SCN11A: variants seen among roughly 807,000 people sequenced by gnomAD.
SCN11A encodes sodium voltage-gated channel alpha subunit 11.
A neutral mutation model predicts 162.2 loss-of-function variants in SCN11A; 122 were observed. The ratio of observed to expected loss-of-function variants is 0.75; its 90% CI spans 0.65 to 0.87. SCN11A has a LOEUF of 0.87. SCN11A is among the 40% of genes least tolerant of loss of function. SCN11A has a pLI of 0.00. For synonymous variants in SCN11A, 758 were observed against 751.5 expected, an observed-to-expected ratio of 1.01 and a Z score of -0.14; for missense variants, 2,015 against 2,181.6, an observed-to-expected ratio of 0.92 and a Z score of 1.52.
chr3:38,858,207 C>T (rs557073724), intron 28 of SCN11A, among the ~76,000 whole-genome samples: 2 of 152,162 alleles, frequency 1.3e-5, no homozygotes, highest in Admixed American at 6.5e-5. Context: ...ATGGCCTAAA[C>T]GCTCCATTTA....
intron 7 of SCN11A, among the ~76,000 whole-genome samples, chr3:38,927,185 G>A (rs1253317612): frequency 6.6e-6 from 1 of 152,130 alleles, no homozygotes; most frequent in Non-Finnish European, 1.5e-5. Flanking sequence ...ATATTCTTGA[G>A]AATAGTTTCA....
intron 2 of SCN11A, among the ~76,000 whole-genome samples, chr3:39,020,432 G>A (rs994879761): frequency 1.3e-4 from 19 of 151,140 alleles, no homozygotes; most frequent in African/African-American, 4.7e-4. Context: ...TCAAGAACCT[G>A]TACATTTCTC....
rs766814728 is a variant in SCN11A at position 38,950,081 on chromosome 3, C to T, written c.267+15G>A. The stretch of plus-strand genomic sequence containing the variant: ...CACCCCCACCCCCACCCCCCCCCCC[C>T]GCCCAATGAAGTACCTTATGATTTC... On this transcript the variant is annotated intron_variant, in intron 5 of 29. Transcript: ENST00000302328. 5.6e-5 allele frequency: 12 copies of T among 214,548 alleles called. No homozygotes were observed. The highest frequency in any genetic ancestry group is 1.1e-4 in the Non-Finnish European group (11 of 99,686). The allele number at this position is 214,548 out of a possible 1,614,324, so 13.3% of individuals were successfully genotyped here. A position where few individuals can be genotyped will look rare whatever the true frequency, so the allele number is the denominator to read the frequency against.
At chr3:38,856,579 A>C (rs2064872950) in intron 28 of SCN11A, among the ~76,000 whole-genome samples, 1 of 152,166 alleles carries the variant, frequency 6.6e-6, no homozygotes, top group Non-Finnish European at 1.5e-5. Flanking sequence ...AGCCACCTTC[A>C]TCAAGGCTGG....
chr3:39,013,514 G>A (rs546628392), intron 2 of SCN11A, among the ~76,000 whole-genome samples: 1 of 151,974 alleles, frequency 6.6e-6, no homozygotes, highest in East Asian at 1.9e-4. Flanking sequence ...GTAAGATCTT[G>A]GAAAATGCAG....
intron 4 of SCN11A, among the ~76,000 whole-genome samples, chr3:38,951,775 T>A (rs916893417): frequency 1.3e-5 from 2 of 152,176 alleles, no homozygotes; most frequent in African/African-American, 4.8e-5. Context: ...GTCTATACTC[T>A]GTATCTAACT....
intron 16 of SCN11A, among the ~76,000 whole-genome samples, chr3:38,900,764 C>A (rs1411090983): frequency 2.6e-5 from 4 of 151,594 alleles, no homozygotes; most frequent in African/African-American, 9.7e-5. Context: ...ATTTCCAGAA[C>A]AAAATATCAA....
rs1333364240 is a variant in SCN11A at position 38,894,666 on chromosome 3, G to T, written c.2702C>A (p.Thr901Asn). The T allele has an allele frequency of 9.3e-6, 15 of 1,613,980 alleles. No individual in the cohort carries two copies. The highest frequency in any genetic ancestry group is 1.3e-5 in the Non-Finnish European group (15 of 1,179,984). The change falls in exon 19 of 30, where the codon ACC becomes AAC. Residue 901 changes from threonine to asparagine, a missense_variant. By Grantham distance (65) the Thr-to-Asn change is moderately conservative (BLOSUM62 0). Transcript: ENST00000302328. ...GACGCCCAGGGTCTTTGGTACAGAG[G>T]TTAGTATACCAAGCTCCTCCTGGGT... ...SETQEELGIL[T>N]SVPKTLGVRH...
Position 38,894,533 on chromosome 3 carries a change from C to T in SCN11A, c.2835G>A (p.Gln945=), listed in dbSNP as rs2065554237. ...TAAGTCTATGTGTGAACCTTCATAC[C>T]TGTTGTTCAGGCTCAGGTTGTGTGA... The part of the protein sequence containing the change: ...QRITQPEPEQ[Q]AYELHQENKK... The change falls in exon 19 of 30, where the codon CAG becomes CAA. Residue 945 remains glutamine, a splice_region_variant and synonymous_variant. Transcript: ENST00000302328. The T allele has an allele frequency of 6.3e-7, 1 of 1,596,828 alleles. No homozygotes were observed. Among genetic ancestry groups the T allele is most frequent in the African/African-American group, 1.3e-5 (1 of 74,630 alleles).
intron 11 of SCN11A, among the ~76,000 whole-genome samples, chr3:38,919,290 C>T (rs1000308462): frequency 2.6e-5 from 4 of 152,190 alleles, no homozygotes; most frequent in African/African-American, 9.7e-5. Context: ...GCTTGGCACT[C>T]TGTAGATTCT....
intron 14 of SCN11A, among the ~76,000 whole-genome samples, chr3:38,906,197 C>T (rs575124498): frequency 6.6e-6 from 1 of 152,320 alleles, no homozygotes; most frequent in South Asian, 2.1e-4. Flanking sequence ...CTACCTACTA[C>T]ATCTCCCTCT....
intron 18 of SCN11A, among the ~76,000 whole-genome samples, chr3:38,895,438 C>A (rs1372954729): frequency 6.6e-6 from 1 of 152,180 alleles, no homozygotes; most frequent in Non-Finnish European, 1.5e-5. Context: ...GTTGCCCTAA[C>A]CTTAGTAACG....
At chr3:38,924,805 G>A (rs546986140) in intron 9 of SCN11A, among the ~76,000 whole-genome samples, 5 of 151,942 alleles carry the variant, frequency 3.3e-5, no homozygotes, top group East Asian at 1.9e-4. Flanking sequence ...AACTGTACCC[G>A]GCCCCCCCTT....
intron 7 of SCN11A, among the ~76,000 whole-genome samples, chr3:38,929,133 A>ACGCG (rs1367470027): frequency 8.8e-5 from 13 of 147,588 alleles, no homozygotes; most frequent in African/African-American, 2.6e-4. Flanking sequence ...GGGTCTGTGC[A>ACGCG]CGCACACACA....
At chr3:39,029,091 T>C (rs1300439525) in intron 2 of SCN11A, among the ~76,000 whole-genome samples, 1 of 152,202 alleles carries the variant, frequency 6.6e-6, no homozygotes, top group Non-Finnish European at 1.5e-5. Context: ...CTTTAATAAA[T>C]ATCCCTTTAC....
At chr3:38,929,129 GTGCACGCACA>G (rs1178753380) in intron 7 of SCN11A, among the ~76,000 whole-genome samples, 296 of 20,298 alleles carry the variant, frequency 0.015, 5 homozygotes, top group African/African-American at 0.03. Flanking sequence ...TACTGGGTCT[GTGCACGCACA>G]CACACACACA....
At position 38,907,994 on chromosome 3, in the gene SCN11A, T is replaced by A; in HGVS notation, c.1428A>T (p.Lys476Asn). 6.2e-7 allele frequency: 1 copy of A among 1,611,080 alleles called. No individual in the cohort carries two copies. Among genetic ancestry groups the A allele is most frequent in the Non-Finnish European group, 8.5e-7 (1 of 1,179,374 alleles). The part of the protein sequence containing the change: ...RKSFFLRESG[K>N]DQPPGSDSDE... ...CAGAATCTGACCCAGGAGGCTGGTC[T>A]TTCCCAGACTCTCTCAAAAAGAAGG... Residue 476 changes from lysine to asparagine, a missense_variant, in exon 14 of 30, where the codon AAA becomes AAT. Lys to Asn is a moderately conservative substitution (Grantham distance 94). Transcript: ENST00000302328.
chr3:39,034,790 T>A (rs9855543), intron 1 of SCN11A, among the ~76,000 whole-genome samples: 10,575 of 152,138 alleles, frequency 0.07, 1,176 homozygotes, highest in African/African-American at 0.23. Flanking sequence ...ACATAAAAAA[T>A]CAGTAGCATT....
chr3:38,899,886 T>G lies in SCN11A; in HGVS notation c.2022+8A>C. ...ACGTTTATGCAGTAAAATAAGAAAG[T>G]GCCTTACCACTCTGAAGGAACGCAA... On this transcript the variant is annotated splice_region_variant and intron_variant, in intron 17 of 29. Transcript: ENST00000302328. 3 of 1,610,168 alleles carry G rather than the reference T, an allele frequency of 1.9e-6. No individual in the cohort carries two copies. Among genetic ancestry groups the G allele is most frequent in the Non-Finnish European group, 1.7e-6 (2 of 1,177,682 alleles).
Sources: allele counts gnomAD v4.1 joint callset (sites outside exome capture counted in the v4.1 genomes callset), GRCh38; gene constraint gnomAD v4.1.1; transcripts MANE v1.5; gene names NCBI Gene and HGNC (gene_info 2026-07-23, HGNC 2026-07-21).